CCDC178: variants seen among roughly 807,000 people sequenced by gnomAD.
CCDC178 encodes the protein coiled-coil domain-containing protein 178.
CCDC178 carries 126 observed loss-of-function variants against 117.4 expected under a neutral mutation model. The observed-to-expected ratio is 1.07, with a 90% confidence interval of 0.93 to 1.24. CCDC178 has a LOEUF of 1.24. Among genes scored for constraint, CCDC178 ranks in the 50% most tolerant of loss-of-function variants. CCDC178 has a pLI of 0.00. For missense variants in CCDC178, 1,030 were observed against 986.9 expected (o/e 1.04, Z -0.59); for synonymous variants, 283 against 313.4 (o/e 0.90, Z 1.02).
At chr18:33,382,548 C>G (rs1208352705) in intron 5 of CCDC178, among the ~76,000 whole-genome samples, 2 of 152,188 alleles carry the variant, frequency 1.3e-5, no homozygotes, top group Non-Finnish European at 2.9e-5. Context: ...TGAGCAGAAG[C>G]AGGGTGGAGT....
intron 4 of CCDC178, among the ~76,000 whole-genome samples, chr18:33,395,633 T>C (rs1434271776): frequency 1.3e-5 from 2 of 152,118 alleles, no homozygotes; most frequent in Non-Finnish European, 2.9e-5. Flanking sequence ...CTTGAATTTG[T>C]TTTAAGTTTG....
intron 20 of CCDC178, among the ~76,000 whole-genome samples, chr18:33,145,670 A>G (rs1260044642): frequency 6.6e-6 from 1 of 152,252 alleles, no homozygotes; most frequent in African/African-American, 2.4e-5. Context: ...GGTCATGAAC[A>G]GAATACACAT....
At chr18:33,204,084 A>G (rs2144565479) in intron 20 of CCDC178, among the ~76,000 whole-genome samples, 1 of 152,310 alleles carries the variant, frequency 6.6e-6, no homozygotes, top group Non-Finnish European at 1.5e-5. Flanking sequence ...TTTTAATTAT[A>G]TAGAAAACAG....
intron 5 of CCDC178, among the ~76,000 whole-genome samples, chr18:33,372,628 A>G (rs368201117): frequency 6.6e-6 from 1 of 152,098 alleles, no homozygotes; most frequent in Admixed American, 6.6e-5. Flanking sequence ...TTAATGCATA[A>G]AAGACAAGAT....
intron 15 of CCDC178, among the ~76,000 whole-genome samples, chr18:33,234,853 T>C (rs1226586119): frequency 6.6e-6 from 1 of 152,094 alleles, no homozygotes; most frequent in Non-Finnish European, 1.5e-5. Context: ...CATAAATCCT[T>C]TGGGATAAAA....
intron 21 of CCDC178, among the ~76,000 whole-genome samples, chr18:33,090,119 C>T (rs934804781): frequency 6.6e-6 from 1 of 152,096 alleles, no homozygotes; most frequent in Non-Finnish European, 1.5e-5. Flanking sequence ...AAGAGAAATA[C>T]TATAGCATTC....
intron 11 of CCDC178, among the ~76,000 whole-genome samples, chr18:33,307,589 C>T (rs1196457474): frequency 6.6e-6 from 1 of 152,190 alleles, no homozygotes; most frequent in Non-Finnish European, 1.5e-5. Flanking sequence ...CATACATTTG[C>T]ATAAGTAACA....
chr18:33,016,734 G>A (rs946450472), intron 21 of CCDC178, among the ~76,000 whole-genome samples: 1 of 151,888 alleles, frequency 6.6e-6, no homozygotes, highest in Non-Finnish European at 1.5e-5. Flanking sequence ...ATTCCCCAGT[G>A]TAACCACTAA....
intron 14 of CCDC178, among the ~76,000 whole-genome samples, chr18:33,248,382 C>A (rs1276060147): frequency 6.6e-6 from 1 of 151,502 alleles, no homozygotes; most frequent in African/African-American, 2.4e-5. Context: ...ATTAACTCAT[C>A]ATTTACATTA....
intron 21 of CCDC178, among the ~76,000 whole-genome samples, chr18:32,993,583 T>G (rs893664773): frequency 3.3e-5 from 5 of 152,230 alleles, no homozygotes; most frequent in African/African-American, 1.2e-4. Flanking sequence ...AAGAACCCTC[T>G]TGGGCCAAGC....
At chr18:33,101,769 C>T (rs1030865194) in intron 20 of CCDC178, among the ~76,000 whole-genome samples, 8 of 151,856 alleles carry the variant, frequency 5.3e-5, no homozygotes, top group African/African-American at 1.9e-4. Context: ...GAGAGAAAAA[C>T]TGATCTAAGG....
chr18:33,347,122 A>C (rs2062906846), intron 8 of CCDC178, among the ~76,000 whole-genome samples: 1 of 152,146 alleles, frequency 6.6e-6, no homozygotes, highest in Non-Finnish European at 1.5e-5. Context: ...TAAGGTAAAG[A>C]AGACAGATAT....
At chr18:33,372,922 C>G (rs1466255429) in intron 5 of CCDC178, among the ~76,000 whole-genome samples, 1 of 152,158 alleles carries the variant, frequency 6.6e-6, no homozygotes, top group African/African-American at 2.4e-5. Context: ...CCCTTTATCT[C>G]AACTCAGAAC....
At chr18:33,435,010 C>A (rs527379781) in intron 2 of CCDC178, among the ~76,000 whole-genome samples, 167 of 152,152 alleles carry the variant, frequency 1.1e-3, no homozygotes, top group Non-Finnish European at 1.8e-3. Flanking sequence ...TATCTTTGAA[C>A]CCACAGCACC....
intron 21 of CCDC178, among the ~76,000 whole-genome samples, chr18:33,006,367 C>T (rs991350617): frequency 6.6e-6 from 1 of 151,974 alleles, no homozygotes; most frequent in Non-Finnish European, 1.5e-5. Context: ...TGTATGACAA[C>T]AATTTTTGAT....
chr18:32,947,022 C>T (rs1264593668), intron 22 of CCDC178, among the ~76,000 whole-genome samples: 1 of 151,940 alleles, frequency 6.6e-6, no homozygotes, highest in African/African-American at 2.4e-5. Flanking sequence ...CCTCGTGATC[C>T]GCCCGCCTCG....
intron 20 of CCDC178, among the ~76,000 whole-genome samples, chr18:33,188,232 G>A (rs1409775583): frequency 6.6e-6 from 1 of 152,082 alleles, no homozygotes; most frequent in African/African-American, 2.4e-5. Context: ...TGTGGAACAT[G>A]CTCTAAATCA....
intron 22 of CCDC178, among the ~76,000 whole-genome samples, chr18:32,961,142 T>G (rs6506999): frequency 0.95 from 143,847 of 152,120 alleles, 68,307 homozygotes; most frequent in Non-Finnish European, 0.99. Context: ...CTCTTCCATA[T>G]TCTTACTGGT....
At chr18:33,091,082 T>TC (rs368925608) in intron 21 of CCDC178, among the ~76,000 whole-genome samples, 119 of 151,810 alleles carry the variant, frequency 7.8e-4, no homozygotes, top group African/African-American at 2.7e-3. Context: ...TTATTTTTGC[T>TC]CCCCCCCGAT....
Sources: allele counts gnomAD v4.1 joint callset (sites outside exome capture counted in the v4.1 genomes callset), GRCh38; gene constraint gnomAD v4.1.1; transcripts MANE v1.5; gene names NCBI Gene and HGNC (gene_info 2026-07-23, HGNC 2026-07-21).